KLHL32: variants seen among roughly 807,000 people sequenced by gnomAD.
KLHL32 encodes the protein kelch like family member 32.
In KLHL32, 35 loss-of-function variants were observed where a neutral mutation model predicts 64.8. The observed-to-expected ratio is 0.54, with a 90% CI of 0.41 to 0.72. The LOEUF is 0.72. Among genes scored for constraint, KLHL32 ranks in the 30% least tolerant of loss-of-function variants. The pLI is 0.00. For missense variants in KLHL32, 589 were observed against 768.5 expected, an observed-to-expected ratio of 0.77 and a Z score of 2.76; for synonymous variants, 259 against 281.0, an observed-to-expected ratio of 0.92 and a Z score of 0.78.
At chr6:96,975,099 A>G (rs1030106032) in intron 2 of KLHL32, among the ~76,000 whole-genome samples, 5 of 152,198 alleles carry the variant, frequency 3.3e-5, no homozygotes, top group Non-Finnish European at 7.3e-5. Context: ...GAAAGTTTGC[A>G]TTTTGTGTTT....
intron 3 of KLHL32, among the ~76,000 whole-genome samples, chr6:97,009,793 G>A (rs561160272): frequency 5.9e-5 from 9 of 152,294 alleles, no homozygotes; most frequent in East Asian, 1.9e-4. Context: ...TAAAAAGCAC[G>A]TGAGGGTCTT....
At chr6:96,932,204 TA>T (rs150325054) in intron 1 of KLHL32, among the ~76,000 whole-genome samples, 24,309 of 141,410 alleles carry the variant, frequency 0.17, 2,261 homozygotes, top group Non-Finnish European at 0.22. Flanking sequence ...CTGACTGGGT[TA>T]TTTTTTTTTT....
At chr6:96,901,218 G>C in the KLHL32 span, among the ~76,000 whole-genome samples, 1 of 152,058 alleles carries the variant, frequency 6.6e-6, no homozygotes, top group Non-Finnish European at 1.5e-5. Flanking sequence ...TACCGCAAAT[G>C]GTTTAAAACA....
chr6:96,932,205 A>AT (rs71012578), intron 1 of KLHL32, among the ~76,000 whole-genome samples: 7,763 of 104,428 alleles, frequency 0.074, 265 homozygotes, highest in African/African-American at 0.11. Context: ...TGACTGGGTT[A>AT]TTTTTTTTTT....
intron 2 of KLHL32, among the ~76,000 whole-genome samples, chr6:96,972,247 G>A (rs1297347310): frequency 6.6e-6 from 1 of 152,004 alleles, no homozygotes; most frequent in Non-Finnish European, 1.5e-5. Context: ...CAGAAATATT[G>A]AGCTATTTTG....
intron 4 of KLHL32, among the ~76,000 whole-genome samples, chr6:97,045,589 A>G (rs1333777232): frequency 6.6e-6 from 1 of 152,256 alleles, no homozygotes; most frequent in Non-Finnish European, 1.5e-5. Flanking sequence ...TGTTTGAAGT[A>G]TTAGGAAACT....
Position 97,127,449 on chromosome 6 carries a change from A to G in KLHL32, c.1400A>G (p.Tyr467Cys). ...TAQYQNRLMV[Y>C]EPNQNKWISR... ...CAATATCAGAACAGGCTAATGGTGT[A>G]TGAACCTAACCAGGTAAGAATCATG... Residue 467 changes from tyrosine to cysteine, a missense_variant, in exon 8 of 11, where the codon TAT (tyrosine) becomes TGT (cysteine). This residue lies in a region of KLHL32 where 172 missense variants were observed against 192.0 expected (regional missense o/e 0.90). Transcript: ENST00000369261. 6.2e-7 allele frequency: 1 copy of G among 1,612,846 alleles called. No individual in the cohort carries two copies. The highest frequency in any genetic ancestry group is 8.5e-7 in the Non-Finnish European group (1 of 1,178,958).
At chr6:97,084,190 T>C (rs1333285187) in intron 5 of KLHL32, among the ~76,000 whole-genome samples, 1 of 152,226 alleles carries the variant, frequency 6.6e-6, no homozygotes, top group Admixed American at 6.5e-5. Context: ...CCTCAAGTTA[T>C]TGGAAAACTA....
chr6:96,907,554 T>G, the KLHL32 span, among the ~76,000 whole-genome samples: 1 of 152,230 alleles, frequency 6.6e-6, no homozygotes, highest in African/African-American at 2.4e-5. Flanking sequence ...AAACACTCTA[T>G]GTACAGGAAG....
At chr6:97,035,142 GT>G (rs1207919884) in intron 3 of KLHL32, among the ~76,000 whole-genome samples, 1 of 151,876 alleles carries the variant, frequency 6.6e-6, no homozygotes, top group Non-Finnish European at 1.5e-5. Context: ...TCTATTATAA[GT>G]TTTTTTCTGT....
chr6:97,105,680 A>G (rs1397106497), intron 6 of KLHL32, among the ~76,000 whole-genome samples: 1 of 152,152 alleles, frequency 6.6e-6, no homozygotes, highest in East Asian at 1.9e-4. Flanking sequence ...GAGCAAAAAG[A>G]CCAGTCATTG....
At chr6:97,076,208 C>A (rs1791567958) in intron 5 of KLHL32, among the ~76,000 whole-genome samples, 1 of 152,182 alleles carries the variant, frequency 6.6e-6, no homozygotes, top group Non-Finnish European at 1.5e-5. Flanking sequence ...AAAGAAATGA[C>A]AGCTATGGTT....
chr6:97,030,298 G>T (rs972131527), intron 3 of KLHL32, among the ~76,000 whole-genome samples: 1 of 152,184 alleles, frequency 6.6e-6, no homozygotes, highest in Admixed American at 6.5e-5. Flanking sequence ...AAATGTAGCT[G>T]TAACTAATCT....
rs532750749 is a variant in KLHL32 at position 96,961,754 on chromosome 6, G to C, written c.-65-5242G>C. ...CTGCACAAGGGTAATTGAGCTGTAT[G>C]GTTCTTCATAGGATATATGTGCAGA... On this transcript the variant is annotated intron_variant, in intron 1 of 10. Transcript: ENST00000369261. Among the ~76,000 whole-genome samples the C allele has an allele frequency of 3.9e-5, 6 of 152,244 alleles. No individual in the cohort carries two copies. The East Asian group carries it at 1.2e-3, about 29-fold the overall frequency.
the KLHL32 span, among the ~76,000 whole-genome samples, chr6:96,903,601 A>G: frequency 6.6e-6 from 1 of 152,198 alleles, no homozygotes; most frequent in Non-Finnish European, 1.5e-5. Flanking sequence ...GACAGCCCAC[A>G]AGAAACAGAT....
At chr6:97,011,006 C>G (rs149469676) in intron 3 of KLHL32, among the ~76,000 whole-genome samples, 1 of 152,152 alleles carries the variant, frequency 6.6e-6, no homozygotes, top group Non-Finnish European at 1.5e-5. Flanking sequence ...TACCTAACAG[C>G]CTGCTCAGAA....
chr6:97,079,080 T>A (rs1346661485), intron 5 of KLHL32, among the ~76,000 whole-genome samples: 1 of 152,254 alleles, frequency 6.6e-6, no homozygotes, highest in Non-Finnish European at 1.5e-5. Flanking sequence ...TAAGGCTGCA[T>A]GTTTTTCTCT....
At chr6:97,050,264 GA>G (rs1222129661) in intron 4 of KLHL32, among the ~76,000 whole-genome samples, 4 of 152,134 alleles carry the variant, frequency 2.6e-5, no homozygotes, top group African/African-American at 9.7e-5. Flanking sequence ...GGCAGAAATA[GA>G]ATGCGCAACC....
intron 2 of KLHL32, among the ~76,000 whole-genome samples, chr6:96,973,953 C>T (rs920594000): frequency 6.6e-6 from 1 of 151,978 alleles, no homozygotes; most frequent in Non-Finnish European, 1.5e-5. Flanking sequence ...AACTCCTGAC[C>T]TCAAGTGATC....
Sources: allele counts gnomAD v4.1 joint callset (sites outside exome capture counted in the v4.1 genomes callset), GRCh38; gene constraint gnomAD v4.1.1; regional missense constraint gnomAD v4.1.1; transcripts MANE v1.5; gene names NCBI Gene and HGNC (gene_info 2026-07-23, HGNC 2026-07-21).